The following HECW2 variants were observed in gnomAD, a reference collection of about 807,000 sequenced individuals.
HECW2 encodes HECT, C2 and WW domain containing E3 ubiquitin protein ligase 2, also known as E3 ubiquitin-protein ligase HECW2.
A neutral mutation model predicts 175.2 loss-of-function variants in HECW2; 61 were observed. The observed-to-expected ratio is 0.35, with a 90% CI of 0.28 to 0.43. HECW2 has a LOEUF of 0.43. Among genes scored for constraint, HECW2 ranks in the 20% least tolerant of loss-of-function variants. The probability of loss-of-function intolerance (pLI) is 1.00; values close to 1 mark genes in which losing one functional copy is unlikely to be tolerated. For synonymous variants in HECW2, 671 were observed against 731.0 expected (o/e 0.92, Z 1.32); for missense variants, 1,524 against 2,000.5 (o/e 0.76, Z 4.54).
rs758257816 is a variant in HECW2 at position 196,200,405 on chromosome 2, G to A, written c.*872C>T. The A allele has an allele frequency of 3.9e-5, 6 of 152,500 alleles. No homozygotes were observed. Among genetic ancestry groups the A allele is most frequent in the South Asian group, 2.1e-4 (1 of 4,816 alleles). The allele number at this position is 152,500 out of a possible 1,614,324, so 9.4% of individuals were successfully genotyped here. The stretch of plus-strand genomic sequence containing the variant: ...AAGGATACATATTAGCATGATGCCC[G>A]AGTATGCATGGAACATGAAAATGGA... On this transcript the variant is annotated 3_prime_UTR_variant, in exon 29 of 29. Coordinates refer to ENST00000644978, the MANE Select transcript of HECW2 (RefSeq NM_001348768.2).
intron 2 of HECW2, among the ~76,000 whole-genome samples, chr2:196,383,418 A>G (rs1274421230): frequency 6.6e-6 from 1 of 152,228 alleles, no homozygotes; most frequent in Non-Finnish European, 1.5e-5. Flanking sequence ...ATGAGATTGC[A>G]GGGTGCCAAG....
At chr2:196,439,512 G>A (rs1010296611) in intron 1 of HECW2, among the ~76,000 whole-genome samples, 4 of 152,154 alleles carry the variant, frequency 2.6e-5, no homozygotes, top group African/African-American at 9.7e-5. Context: ...TACAGCTTAA[G>A]AAACTCAACC....
intron 13 of HECW2, among the ~76,000 whole-genome samples, chr2:196,302,768 T>C (rs1482814203): frequency 6.6e-6 from 1 of 152,240 alleles, no homozygotes; most frequent in African/African-American, 2.4e-5. Context: ...ACACTGATTT[T>C]GTATTCTGAG....
rs748726726 is a variant in HECW2, at chr2:196,240,401, TTGTGGCCACAGCCTA to T, written c.3764+33_3764+47del. 23 of 1,345,062 alleles carry T rather than the reference TTGTGGCCACAGCCTA, an allele frequency of 1.7e-5. No individual in the cohort carries two copies. The South Asian group carries it at 3.0e-4, about 18-fold the overall frequency. 83.3% of individuals were successfully genotyped at this position (1,345,062 alleles called of 1,614,324 possible). On this transcript the variant is annotated intron_variant, in intron 21 of 28. Transcript: ENST00000644978. ...ACAGCGACGTGGAGAAACATCCGCC[TTGTGGCCACAGCCTA>T]TGTTCCACAGGCCACTTCTCTGTTC...
At chr2:196,385,038 T>C (rs1413351089) in intron 2 of HECW2, among the ~76,000 whole-genome samples, 2 of 152,138 alleles carry the variant, frequency 1.3e-5, no homozygotes, top group Non-Finnish European at 2.9e-5. Context: ...TGCCTCAGCT[T>C]TCCAAATATC....
intron 2 of HECW2, among the ~76,000 whole-genome samples, chr2:196,411,175 T>G (rs917681812): frequency 6.6e-6 from 1 of 152,188 alleles, no homozygotes; most frequent in African/African-American, 2.4e-5. Context: ...ATTTTTTTTA[T>G]TTTTAGTTTT....
intron 1 of HECW2, among the ~76,000 whole-genome samples, chr2:196,589,131 G>A (rs1012612905): frequency 3.9e-5 from 6 of 152,092 alleles, no homozygotes; most frequent in African/African-American, 1.4e-4. Context: ...CCCAGGAGGC[G>A]GAGGATGCGG....
chr2:196,350,977 A>G (rs992460039), intron 2 of HECW2, among the ~76,000 whole-genome samples: 1 of 152,182 alleles, frequency 6.6e-6, no homozygotes, highest in Non-Finnish European at 1.5e-5. Flanking sequence ...TTCCCTAGAC[A>G]TATGTATTTC....
chr2:196,351,992 C>T (rs543625064), intron 2 of HECW2, among the ~76,000 whole-genome samples: 8 of 152,306 alleles, frequency 5.3e-5, no homozygotes, highest in South Asian at 4.1e-4. Context: ...ACTGTGACGA[C>T]GACTTTGAGA....
At chr2:196,521,002 C>G (rs1484847999) in intron 1 of HECW2, among the ~76,000 whole-genome samples, 4 of 152,044 alleles carry the variant, frequency 2.6e-5, no homozygotes, top group Admixed American at 2.6e-4. Flanking sequence ...CCTACAAAAC[C>G]CAGCAGCCTT....
chr2:196,518,916 C>T (rs986765640), intron 1 of HECW2, among the ~76,000 whole-genome samples: 2 of 152,158 alleles, frequency 1.3e-5, no homozygotes, highest in East Asian at 3.9e-4. Context: ...GTCTCCACTA[C>T]TACATGCAGA....
intron 1 of HECW2, among the ~76,000 whole-genome samples, chr2:196,580,796 T>C (rs1690750670): frequency 6.6e-6 from 1 of 152,132 alleles, no homozygotes; most frequent in African/African-American, 2.4e-5. Context: ...TTTACTCCTA[T>C]ATATATGCAA....
At chr2:196,412,158 T>C (rs760541765) in intron 2 of HECW2, among the ~76,000 whole-genome samples, 2 of 152,230 alleles carry the variant, frequency 1.3e-5, no homozygotes, top group Non-Finnish European at 2.9e-5. Flanking sequence ...TACCACAAAC[T>C]GGTTAGCTTA....
chr2:196,580,301 A>C (rs1559186417), intron 1 of HECW2, among the ~76,000 whole-genome samples: 1 of 152,212 alleles, frequency 6.6e-6, no homozygotes, highest in Non-Finnish European at 1.5e-5. Flanking sequence ...TAACACCAAA[A>C]GCACAAGGAA....
intron 2 of HECW2, among the ~76,000 whole-genome samples, chr2:196,368,075 C>T (rs1374879240): frequency 6.6e-6 from 1 of 152,018 alleles, no homozygotes; most frequent in African/African-American, 2.4e-5. Flanking sequence ...GTGAACAGTG[C>T]TGCAGCAAAC....
intron 2 of HECW2, among the ~76,000 whole-genome samples, chr2:196,407,002 T>A (rs1358505): frequency 1 from 152,158 of 152,312 alleles, 76,003 homozygotes; most frequent in Non-Finnish European, 1. Context: ...CTCCACAAGT[T>A]GGGAGACGCT....
At chr2:196,538,733 G>A (rs550679581) in intron 1 of HECW2, among the ~76,000 whole-genome samples, 115 of 152,256 alleles carry the variant, frequency 7.6e-4, no homozygotes, top group Non-Finnish European at 1.5e-3. Context: ...GCTTTTGCTC[G>A]TATAAGTTTT....
chr2:196,254,750 T>C (rs528752819), intron 18 of HECW2, among the ~76,000 whole-genome samples: 1 of 151,976 alleles, frequency 6.6e-6, no homozygotes, highest in Non-Finnish European at 1.5e-5. Flanking sequence ...AATATGAGAG[T>C]TCTTATGTAT....
chr2:196,431,487 A>AT (rs939418353), intron 2 of HECW2, among the ~76,000 whole-genome samples: 1 of 152,212 alleles, frequency 6.6e-6, no homozygotes, highest in Non-Finnish European at 1.5e-5. Flanking sequence ...TCATAAAAGG[A>AT]TTTTTTAAAC....
Sources: allele counts gnomAD v4.1 joint callset (sites outside exome capture counted in the v4.1 genomes callset), GRCh38; gene constraint gnomAD v4.1.1; transcripts MANE v1.5; gene names NCBI Gene and HGNC (gene_info 2026-07-23, HGNC 2026-07-21).